The following ZNF385D variants were observed in gnomAD, a reference collection of about 807,000 sequenced individuals.
ZNF385D encodes zinc finger protein 385D, also known as zinc finger protein 659.
A neutral mutation model predicts 35.8 loss-of-function variants in ZNF385D; 15 were observed. The ratio of observed to expected loss-of-function variants is 0.42; its 90% CI spans 0.28 to 0.64. The LOEUF (loss-of-function observed/expected upper bound fraction) is 0.64. ZNF385D is among the 30% of genes least tolerant of loss of function. The pLI is 0.23. For missense variants in ZNF385D, 474 were observed against 494.6 expected, an observed-to-expected ratio of 0.96 and a Z score of 0.39; for synonymous variants, 212 against 186.8, an observed-to-expected ratio of 1.13 and a Z score of -1.10.
At chr3:22,028,369 T>G (rs1194254035) in intron 3 of ZNF385D, among the ~76,000 whole-genome samples, 1 of 152,156 alleles carries the variant, frequency 6.6e-6, no homozygotes, top group East Asian at 1.9e-4. Flanking sequence ...GTGGCAGGGA[T>G]GGAGGTTACG....
At chr3:22,001,276 G>T (rs932482048) in intron 3 of ZNF385D, among the ~76,000 whole-genome samples, 1 of 151,816 alleles carries the variant, frequency 6.6e-6, no homozygotes, top group Admixed American at 6.6e-5. Flanking sequence ...CATATGGACT[G>T]AAAGTGAAGA....
At chr3:21,983,618 T>G (rs1694637019) in intron 3 of ZNF385D, among the ~76,000 whole-genome samples, 1 of 137,374 alleles carries the variant, frequency 7.3e-6, no homozygotes, top group Admixed American at 7.6e-5. Flanking sequence ...AATGCCGCAA[T>G]AAACATACGT....
chr3:21,451,275 T>TA (rs1325755110), intron 4 of ZNF385D, among the ~76,000 whole-genome samples: 1 of 152,024 alleles, frequency 6.6e-6, no homozygotes. Flanking sequence ...GAGACGCTAA[T>TA]AAAAAAAGTG....
chr3:21,856,684 C>T (rs879347851), intron 3 of ZNF385D, among the ~76,000 whole-genome samples: 1 of 152,088 alleles, frequency 6.6e-6, no homozygotes, highest in Admixed American at 6.6e-5. Context: ...AAGCCACCAT[C>T]ATCTCTTGCC....
At chr3:22,002,314 G>A (rs754463137) in intron 3 of ZNF385D, among the ~76,000 whole-genome samples, 2 of 151,998 alleles carry the variant, frequency 1.3e-5, no homozygotes, top group East Asian at 3.9e-4. Flanking sequence ...TGATGAACAA[G>A]TATATGCTAA....
chr3:21,470,134 G>A (rs1575205863), intron 4 of ZNF385D, among the ~76,000 whole-genome samples: 1 of 152,188 alleles, frequency 6.6e-6, no homozygotes, highest in South Asian at 2.1e-4. Flanking sequence ...ATTATGGTAA[G>A]AGAACCCATT....
chr3:21,621,457 A>T (rs1010799514), intron 2 of ZNF385D, among the ~76,000 whole-genome samples: 7 of 152,068 alleles, frequency 4.6e-5, no homozygotes, highest in Non-Finnish European at 1.0e-4. Context: ...AAGGCAGGCC[A>T]CAGCAGTGGC....
At chr3:21,605,719 G>A (rs550832897) in intron 2 of ZNF385D, among the ~76,000 whole-genome samples, 2 of 152,326 alleles carry the variant, frequency 1.3e-5, no homozygotes, top group Admixed American at 6.5e-5. Flanking sequence ...TTAACATGAA[G>A]ATTAGTTGTT....
At chr3:22,364,572 T>G (rs551456187) in intron 2 of ZNF385D, among the ~76,000 whole-genome samples, 5 of 151,858 alleles carry the variant, frequency 3.3e-5, no homozygotes, top group African/African-American at 1.2e-4. Flanking sequence ...CCCATTAGGA[T>G]AGCTACTATA....
intron 2 of ZNF385D, among the ~76,000 whole-genome samples, chr3:22,314,407 A>G (rs1190896625): frequency 2.0e-5 from 3 of 152,168 alleles, no homozygotes; most frequent in Admixed American, 6.6e-5. Context: ...TTCATTTAGA[A>G]TAATAGTCTC....
At chr3:21,871,875 T>C (rs1697709539) in intron 3 of ZNF385D, among the ~76,000 whole-genome samples, 2 of 151,872 alleles carry the variant, frequency 1.3e-5, no homozygotes, top group South Asian at 4.2e-4. Context: ...CAGGCGCCTG[T>C]AATCCCAGCT....
chr3:22,107,042 T>TTTTTTTTTTTTAA (rs10688533), intron 3 of ZNF385D, among the ~76,000 whole-genome samples: 1 of 149,388 alleles, frequency 6.7e-6, no homozygotes, highest in African/African-American at 2.4e-5. Context: ...TTTTTTTTTT[T>TTTTTTTTTTTTAA]AGACAGAGTT....
intron 3 of ZNF385D, among the ~76,000 whole-genome samples, chr3:21,795,960 A>G (rs1406244319): frequency 6.6e-6 from 1 of 152,256 alleles, no homozygotes; most frequent in East Asian, 1.9e-4. Flanking sequence ...TAAGGCATAC[A>G]TTTGAAAGAT....
rs2064781217 is a variant in ZNF385D, at chr3:21,614,465, C to T, written c.166-49781G>A. Among the ~76,000 whole-genome samples the T allele has an allele frequency of 2.0e-5, 3 of 152,292 alleles. No homozygotes were observed. The South Asian group carries it at 6.2e-4, about 32-fold the overall frequency. Reference sequence around the variant, plus strand: ...AGATTTTGGAAGAATATAGTTCAGACCCTAACAGTCCCCTAGGGGTTCCCT... The same window carrying T: ...AGATTTTGGAAGAATATAGTTCAGATCCTAACAGTCCCCTAGGGGTTCCCT... On this transcript the variant is annotated intron_variant, in intron 2 of 7. Transcript: ENST00000281523.
At chr3:21,438,491 T>C (rs1701688242) in intron 4 of ZNF385D, among the ~76,000 whole-genome samples, 1 of 152,106 alleles carries the variant, frequency 6.6e-6, no homozygotes, top group African/African-American at 2.4e-5. Context: ...ACAGAATGAC[T>C]CTTAACTGGA....
intron 3 of ZNF385D, among the ~76,000 whole-genome samples, chr3:21,900,780 T>A (rs1699367214): frequency 6.6e-6 from 1 of 152,180 alleles, no homozygotes; most frequent in Non-Finnish European, 1.5e-5. Flanking sequence ...GTTCAGTAGG[T>A]GGTACTTGGC....
chr3:22,088,325 G>A lies in ZNF385D; in HGVS notation c.325+80492C>T, dbSNP rs1042705681. Among the ~76,000 whole-genome samples the A allele has an allele frequency of 3.9e-5, 6 of 152,158 alleles. No individual in the cohort carries two copies. In the East Asian group the frequency reaches 1.2e-3, roughly 29 times the overall value. ...CTCTAAATAATCTCCTTCCCATCTT[G>A]CTCTTCATAGATAGCTTCAGAAACA... is the stretch of plus-strand genomic sequence containing the variant. On this transcript the variant is annotated intron_variant, in intron 3 of 5. Transcript: ENST00000494108.
At chr3:22,263,866 G>A (rs1056593148) in intron 2 of ZNF385D, among the ~76,000 whole-genome samples, 1 of 151,882 alleles carries the variant, frequency 6.6e-6, no homozygotes, top group Non-Finnish European at 1.5e-5. Context: ...GCACAGGACA[G>A]CCCCTCATGC....
chr3:21,421,348 T>G lies in ZNF385D; in HGVS notation c.1054A>C (p.Ser352Arg). The G allele has an allele frequency of 6.2e-7, 1 of 1,613,832 alleles. No individual in the cohort carries two copies. Among genetic ancestry groups the G allele is most frequent in the South Asian group, 1.1e-5 (1 of 91,046 alleles). Residue 352 changes from serine (S) to arginine (R), a missense_variant, in exon 8 of 8, where the codon AGT becomes CGT. Ser to Arg is a moderately radical substitution (Grantham distance 110, BLOSUM62 -1). Coordinates refer to ENST00000281523, the MANE Select transcript of ZNF385D (RefSeq NM_024697.3). ...GCAGTTCGAAGACTGAAGGGGGAAC[T>G]CACTGCCACTGCTGCTGCGGCTGCT... is the stretch of plus-strand genomic sequence containing the variant. ...AAAAAAAVAVSSPFSLRTAPA... is the reference protein window; with the variant it reads ...AAAAAAAVAVRSPFSLRTAPA...
Sources: allele counts gnomAD v4.1 joint callset (sites outside exome capture counted in the v4.1 genomes callset), GRCh38; gene constraint gnomAD v4.1.1; transcripts MANE v1.5; gene names NCBI Gene and HGNC (gene_info 2026-07-23, HGNC 2026-07-21).